Variants in MINDY2 observed in about 807,000 individuals in gnomAD.
The protein encoded by MINDY2 is ubiquitin carboxyl-terminal hydrolase MINDY-2.
In MINDY2, 52 loss-of-function variants were observed where a neutral mutation model predicts 68.2. That is an observed-to-expected ratio of 0.76 (90% confidence interval 0.61 to 0.96). The LOEUF (loss-of-function observed/expected upper bound fraction) is 0.96. Ranked by LOEUF, MINDY2 falls within the 40% of genes least tolerant of loss-of-function variation. MINDY2 has a pLI of 0.00. For missense variants in MINDY2, 881 were observed against 773.4 expected, an observed-to-expected ratio of 1.14 and a Z score of -1.65; for synonymous variants, 372 against 303.0, an observed-to-expected ratio of 1.23 and a Z score of -2.36.
chr15:58,838,109 C>A (rs2032092856), intron 6 of MINDY2, among the ~76,000 whole-genome samples: 1 of 151,632 alleles, frequency 6.6e-6, no homozygotes, highest in African/African-American at 2.4e-5. Context: ...GATATACTTT[C>A]AGGCCAGGTG....
chr15:58,774,373 A>G (rs1170020120), intron 1 of MINDY2, among the ~76,000 whole-genome samples: 2 of 151,896 alleles, frequency 1.3e-5, no homozygotes, highest in Non-Finnish European at 2.9e-5. Flanking sequence ...AATCCCAGCT[A>G]CTTGGGAGGT....
intron 1 of MINDY2, among the ~76,000 whole-genome samples, chr15:58,774,165 C>CTAGAT (rs1358327610): frequency 5.3e-5 from 8 of 152,142 alleles, no homozygotes; most frequent in African/African-American, 9.7e-5. Context: ...TGTTTGGGTT[C>CTAGAT]CCACTGTGCG....
intron 4 of MINDY2, among the ~76,000 whole-genome samples, chr15:58,819,557 A>G (rs930410174): frequency 1.3e-5 from 2 of 152,168 alleles, no homozygotes; most frequent in East Asian, 3.8e-4. Flanking sequence ...TGTGTTACTC[A>G]GACTGGTCTT....
At chr15:58,825,881 C>T (rs765842661) in intron 5 of MINDY2, among the ~76,000 whole-genome samples, 1 of 152,130 alleles carries the variant, frequency 6.6e-6, no homozygotes, top group East Asian at 1.9e-4. Context: ...GCTGGGATTA[C>T]AGGCGTGAGA....
intron 6 of MINDY2, among the ~76,000 whole-genome samples, chr15:58,833,962 AC>A (rs2031871315): frequency 1.3e-5 from 2 of 152,096 alleles, no homozygotes; most frequent in Non-Finnish European, 2.9e-5. Context: ...GAAACTTTGG[AC>A]AATACCTGGC....
intron 7 of MINDY2, among the ~76,000 whole-genome samples, chr15:58,851,009 T>G (rs1423492901): frequency 1.3e-5 from 2 of 151,968 alleles, no homozygotes; most frequent in Non-Finnish European, 2.9e-5. Context: ...AGTCTTCCTC[T>G]GTCGCCCAGG....
chr15:58,797,104 A>G (rs1902333232), intron 2 of MINDY2, among the ~76,000 whole-genome samples: 1 of 152,214 alleles, frequency 6.6e-6, no homozygotes, highest in Admixed American at 6.6e-5. Context: ...TGTTCTGTAA[A>G]TGTAAAATAT....
intron 1 of MINDY2, among the ~76,000 whole-genome samples, chr15:58,782,910 T>TG (rs1901241494): frequency 9.4e-6 from 1 of 106,598 alleles, no homozygotes; most frequent in Admixed American, 1.3e-4. Flanking sequence ...TTTTTCTCTC[T>TG]GTTTTTTTTT....
intron 3 of MINDY2, 148 bp downstream of exon 3, chr15:58,802,525 A>G (rs1902736019): frequency 4.6e-6 from 2 of 439,148 alleles, no homozygotes; most frequent in African/African-American, 2.1e-5. Context: ...TCTCTATTAC[A>G]TATTCTTTGT....
intron 4 of MINDY2, among the ~76,000 whole-genome samples, chr15:58,820,410 C>CT (rs2030985842): frequency 6.6e-6 from 1 of 150,670 alleles, no homozygotes; most frequent in African/African-American, 2.4e-5. Context: ...CACCACTGCA[C>CT]TCCAGCCTGG....
chr15:58,821,579 A>G, intron 4 of MINDY2, 138 bp from the exon 5 acceptor site: 1 of 348,008 alleles, frequency 2.9e-6, no homozygotes, highest in Non-Finnish European at 4.9e-6. Context: ...TGTTGATTTT[A>G]GTGCTGATTT....
chr15:58,804,376 A>C (rs1902877639), intron 3 of MINDY2, among the ~76,000 whole-genome samples: 2 of 152,238 alleles, frequency 1.3e-5, no homozygotes, highest in Admixed American at 6.5e-5. Flanking sequence ...TACTGAAATC[A>C]TGAAGCTATT....
intron 8 of MINDY2, among the ~76,000 whole-genome samples, chr15:58,853,013 C>T (rs1158159190): frequency 5.4e-5 from 2 of 37,284 alleles, no homozygotes; most frequent in Non-Finnish European, 1.6e-4. Context: ...AGTGCAGTGG[C>T]GCAGTCTCGC....
At chr15:58,803,394 G>A (rs1902800818) in intron 3 of MINDY2, among the ~76,000 whole-genome samples, 1 of 151,882 alleles carries the variant, frequency 6.6e-6, no homozygotes, top group Non-Finnish European at 1.5e-5. Flanking sequence ...CTTGATCCCA[G>A]GAGGCGGAAG....
rs1313281027 is a variant in MINDY2, at chr15:58,847,218, T to G, written c.1369-79T>G. On this transcript the variant is annotated intron_variant, in intron 6 of 8. Transcript: ENST00000559228. ...TTTAATATATTCTGAAGATACAGATTGTAAAACTTTCCTTAAATATTATAT... is the reference window on the plus strand; with the variant it reads ...TTTAATATATTCTGAAGATACAGATGGTAAAACTTTCCTTAAATATTATAT... 3 of 1,140,134 alleles carry G rather than the reference T, an allele frequency of 2.6e-6. No individual in the cohort carries two copies. The East Asian group carries it at 7.4e-5, about 28-fold the overall frequency. 70.6% of individuals were successfully genotyped at this position (1,140,134 alleles called of 1,614,324 possible).
In MINDY2 at chr15:58,861,096, G is replaced by C. The variant is rs2033207293; in HGVS notation, c.*6486G>C. ...GGTACCCTGAAAGTCATTTCCTAAA[G>C]CTAGTGCGTGTGAATCTTTTCCTTG... On this transcript the variant is annotated 3_prime_UTR_variant, in exon 9 of 9. Transcript: ENST00000559228. 3 of 152,202 alleles carry C rather than the reference G, an allele frequency of 2.0e-5. No individual in the cohort carries two copies. The highest frequency in any genetic ancestry group is 2.0e-4 in the Admixed American group (3 of 15,274). 9.4% of individuals were successfully genotyped at this position (152,202 alleles called of 1,614,324 possible).
chr15:58,835,787 C>T (rs2031965952), intron 6 of MINDY2, among the ~76,000 whole-genome samples: 1 of 152,184 alleles, frequency 6.6e-6, no homozygotes, highest in Admixed American at 6.5e-5. Context: ...AAGGAAACAG[C>T]TTGACTCCTG....
At chr15:58,837,444 G>A (rs1450807440) in intron 6 of MINDY2, among the ~76,000 whole-genome samples, 2 of 150,998 alleles carry the variant, frequency 1.3e-5, no homozygotes, top group Non-Finnish European at 2.9e-5. Context: ...GTGGTGGTAC[G>A]CACCTATAGT....
Position 58,810,372 on chromosome 15 carries a change from G to A in MINDY2, c.1106G>A (p.Trp369Ter). 1.3e-6 allele frequency: 2 copies of A among 1,592,602 alleles called. No individual in the cohort carries two copies. Among genetic ancestry groups the A allele is most frequent in the East Asian group, 2.3e-5 (1 of 43,752 alleles). Residue 369 changes from tryptophan (W) to a stop codon, truncating the protein, a stop_gained, in exon 4 of 9, where the codon TGG becomes TAG. Transcript: ENST00000559228. LOFTEE classifies it high-confidence loss of function. The stretch of plus-strand genomic sequence containing the variant: ...CTTGATATTCCTTTGTACCATGGGT[G>A]GTTAGTAGACCCTCAGGTAAGTCGA... ...DLLDIPLYHG[W>*]LVDPQIDDIV... is the part of the protein sequence containing the mutation.
Sources: gnomAD v4.1 joint callset for allele counts (sites outside exome capture counted in the v4.1 genomes callset) on GRCh38, gnomAD v4.1.1 for gene constraint, MANE v1.5 for transcripts, NCBI Gene and HGNC (gene_info 2026-07-23, HGNC 2026-07-21) for gene names.